COL4A2: variants seen among roughly 807,000 people sequenced by gnomAD.
COL4A2 encodes the protein collagen type IV alpha 2 chain, also known as collagen alpha-2(IV) chain.
Under a neutral mutation model 200.2 loss-of-function variants are expected in COL4A2, and 99 were observed. That is an observed-to-expected ratio of 0.49 (90% confidence interval 0.42 to 0.58). COL4A2 has a LOEUF of 0.58. Ranked by LOEUF, COL4A2 falls within the 20% of genes least tolerant of loss-of-function variation. COL4A2 has a pLI of 0.00. For synonymous variants in COL4A2, 897 were observed against 900.6 expected (o/e 1.00, Z 0.07); for missense variants, 1,950 against 2,314.1 (o/e 0.84, Z 3.23).
chr13:110,400,482 TA>T (rs1021651019), intron 4 of COL4A2, among the ~76,000 whole-genome samples: 5 of 152,270 alleles, frequency 3.3e-5, no homozygotes, highest in Non-Finnish European at 7.4e-5. Flanking sequence ...TATTCAAAAT[TA>T]AGACAGCAGA....
At chr13:110,427,915 G>A (rs1021249875) in intron 6 of COL4A2, among the ~76,000 whole-genome samples, 6 of 152,220 alleles carry the variant, frequency 3.9e-5, no homozygotes, top group Admixed American at 1.3e-4. Context: ...ATAAAATCAC[G>A]TTGCGGGTGT....
At chr13:110,498,133 C>T (rs923284144) in intron 40 of COL4A2, among the ~76,000 whole-genome samples, 1 of 152,262 alleles carries the variant, frequency 6.6e-6, no homozygotes, top group Non-Finnish European at 1.5e-5. Context: ...ACCATATTTT[C>T]ACCATGTGAC....
chr13:110,372,099 T>G (rs1878037753), intron 4 of COL4A2, among the ~76,000 whole-genome samples: 1 of 152,116 alleles, frequency 6.6e-6, no homozygotes, highest in Non-Finnish European at 1.5e-5. Flanking sequence ...GGCAGGAACT[T>G]AAAACATAAC....
At position 110,478,130 on chromosome 13, in the gene COL4A2, G is replaced by T. The variant is rs764978267; in HGVS notation, c.2553G>T (p.Gly851=). 33 of 1,597,744 alleles carry T rather than the reference G, an allele frequency of 2.1e-5. No homozygotes were observed. Among genetic ancestry groups the T allele is most frequent in the Non-Finnish European group, 2.8e-5 (33 of 1,170,794 alleles). ...TCCCAGGAGCTCCTGGCCAAGAGGG[G>T]CCCTTGGGGCTGCCAGGAATCCCAG... ...HGFPGAPGQE[G]PLGLPGIPGR... Residue 851 remains glycine (G), a synonymous_variant, in exon 30 of 48, where the codon GGG becomes GGT. Coordinates refer to ENST00000360467, the MANE Select transcript of COL4A2 (RefSeq NM_001846.4).
In COL4A2 at chr13:110,512,837, G is replaced by A. The variant is rs922891076; in HGVS notation, c.*646G>A. ...TTGGCAAAACTCAGGCAGAAGTGGA[G>A]ACCTTTCTAGACATCATTGTCAGCC... On this transcript the variant is annotated 3_prime_UTR_variant, in exon 48 of 48. Coordinates refer to ENST00000360467, the MANE Select transcript of COL4A2 (RefSeq NM_001846.4). The A allele has an allele frequency of 6.6e-6, 1 of 152,592 alleles. No individual in the cohort carries two copies. The highest frequency in any genetic ancestry group is 1.5e-5 in the Non-Finnish European group (1 of 68,350). The allele number at this position is 152,592 out of a possible 1,614,324, so 9.5% of individuals were successfully genotyped here. A position where few individuals can be genotyped will look rare whatever the true frequency, so the allele number is the denominator to read the frequency against.
At chr13:110,416,552 C>A (rs1275417840) in intron 4 of COL4A2, among the ~76,000 whole-genome samples, 1 of 152,178 alleles carries the variant, frequency 6.6e-6, no homozygotes, top group African/African-American at 2.4e-5. Context: ...AAAGTTTGGG[C>A]TAAAAGCCAT....
At chr13:110,435,248 A>G (rs932061856) in intron 12 of COL4A2, among the ~76,000 whole-genome samples, 1 of 152,250 alleles carries the variant, frequency 6.6e-6, no homozygotes, top group Non-Finnish European at 1.5e-5. Flanking sequence ...AAAAGAAAGA[A>G]AAACATTGAA....
At chr13:110,397,339 A>G (rs575945027) in intron 4 of COL4A2, among the ~76,000 whole-genome samples, 12 of 152,162 alleles carry the variant, frequency 7.9e-5, no homozygotes, top group African/African-American at 2.6e-4. Context: ...ACAAGCCATC[A>G]CTCTGGGTCC....
chr13:110,430,773 T>G lies in COL4A2; in HGVS notation c.648+166T>G, dbSNP rs199883212. ...CAAAACGGACCATTCCTTGCACACT[T>G]TGCTGCTGTTAAGGTTGAAGAATAA... is the stretch of plus-strand genomic sequence containing the variant. On this transcript the variant is annotated intron_variant, in intron 10 of 47. Coordinates refer to ENST00000360467, the MANE Select transcript of COL4A2 (RefSeq NM_001846.4). The G allele has an allele frequency of 8.6e-4, 831 of 969,456 alleles. 16 individuals carry two copies. The South Asian group carries it at 9.0e-3, about 10-fold the overall frequency. 60.1% of individuals were successfully genotyped at this position (969,456 alleles called of 1,614,324 possible).
chr13:110,345,918 C>T (rs1352576063), intron 3 of COL4A2, among the ~76,000 whole-genome samples: 2 of 152,146 alleles, frequency 1.3e-5, no homozygotes, highest in African/African-American at 2.4e-5. Context: ...AGCTGGGGTG[C>T]GTGTTAGTTC....
chr13:110,481,038 A>T (rs35978874), intron 31 of COL4A2, among the ~76,000 whole-genome samples: 206 of 86,168 alleles, frequency 2.4e-3, no homozygotes, highest in African/African-American at 5.4e-3. Flanking sequence ...GGAGACACAC[A>T]GTTCTGTCCC....
At chr13:110,320,070 G>A (rs78062693) in intron 3 of COL4A2, among the ~76,000 whole-genome samples, 3,172 of 152,350 alleles carry the variant, frequency 0.021, 108 homozygotes, top group African/African-American at 0.073. Flanking sequence ...AAGGCACACC[G>A]CACAGTGAGT....
chr13:110,384,081 A>G (rs1272885976), intron 4 of COL4A2, among the ~76,000 whole-genome samples: 1 of 152,214 alleles, frequency 6.6e-6, no homozygotes, highest in African/African-American at 2.4e-5. Flanking sequence ...TCACTGCCGC[A>G]TACAGGAAAT....
At chr13:110,378,424 C>T (rs1240004054) in intron 4 of COL4A2, among the ~76,000 whole-genome samples, 4 of 152,324 alleles carry the variant, frequency 2.6e-5, no homozygotes, top group East Asian at 3.9e-4. Flanking sequence ...GAAACTGAGG[C>T]CCTCCATGGT....
At position 110,503,432 on chromosome 13, in the gene COL4A2, G is replaced by A. The variant is rs4773199; in HGVS notation, c.4089G>A (p.Ala1363=). Residue 1363 remains alanine, a synonymous_variant, in exon 43 of 48, where the codon GCG becomes GCA. Coordinates refer to ENST00000360467, the MANE Select transcript of COL4A2 (RefSeq NM_001846.4). The part of the protein sequence containing the change: ...GFMGNTGPTG[A]VGDRGPKGPK... Reference sequence around the variant, plus strand: ...TGGGGAACACTGGACCCACTGGGGCGGTGGGCGACAGAGGCCCCAAGGGAC... The same window carrying A: ...TGGGGAACACTGGACCCACTGGGGCAGTGGGCGACAGAGGCCCCAAGGGAC... 342,485 of 1,587,136 alleles carry A rather than the reference G, an allele frequency of 0.22. 39,013 individuals carry two copies. The highest frequency in any genetic ancestry group is 0.3 in the African/African-American group (22,615 of 74,498).
At chr13:110,446,182 C>T (rs1439908271) in intron 17 of COL4A2, among the ~76,000 whole-genome samples, 1 of 152,106 alleles carries the variant, frequency 6.6e-6, no homozygotes, top group African/African-American at 2.4e-5. Context: ...GGGTGCGGTG[C>T]CCCTGGTTTC....
intron 3 of COL4A2, among the ~76,000 whole-genome samples, chr13:110,347,366 C>T (rs2139377373): frequency 6.6e-6 from 1 of 152,340 alleles, no homozygotes; most frequent in Non-Finnish European, 1.5e-5. Context: ...TCACCAAACC[C>T]TCACAGCAGC....
rs1884116997 is a variant in COL4A2 at position 110,512,346 on chromosome 13, G to A, written c.*155G>A. ...GCAGCACTTAGACCTGCCAGCCACT[G>A]TCACCGAGCGGGTGCAAGCACTCGG... On this transcript the variant is annotated 3_prime_UTR_variant, in exon 48 of 48. Coordinates refer to ENST00000360467, the MANE Select transcript of COL4A2 (RefSeq NM_001846.4). 2.3e-6 allele frequency: 3 copies of A among 1,301,632 alleles called. No homozygotes were observed. The highest frequency in any genetic ancestry group is 3.1e-6 in the Non-Finnish European group (3 of 980,182). 80.6% of individuals were successfully genotyped at this position (1,301,632 alleles called of 1,614,324 possible).
At chr13:110,325,226 A>T (rs9521694) in intron 3 of COL4A2, among the ~76,000 whole-genome samples, 17,370 of 152,266 alleles carry the variant, frequency 0.11, 1,214 homozygotes, top group Non-Finnish European at 0.15. Flanking sequence ...AGAACCAATG[A>T]TCAGAAACAG....
Sources: allele counts gnomAD v4.1 joint callset (sites outside exome capture counted in the v4.1 genomes callset), GRCh38; gene constraint gnomAD v4.1.1; transcripts MANE v1.5; gene names NCBI Gene and HGNC (gene_info 2026-07-23, HGNC 2026-07-21).